The following SLC35F4 variants were observed in gnomAD, a reference collection of about 807,000 sequenced individuals.
The protein encoded by SLC35F4 is chromosome 14 open reading frame 36.
A neutral mutation model predicts 44.2 loss-of-function variants in SLC35F4; 24 were observed. That is an observed-to-expected ratio of 0.54 (90% CI 0.39 to 0.76). The LOEUF (loss-of-function observed/expected upper bound fraction) is 0.76, where lower values mean the gene tolerates loss of function less well. Among genes scored for constraint, SLC35F4 ranks in the 30% least tolerant of loss-of-function variants. The probability of loss-of-function intolerance (pLI) is 0.00; values close to 1 mark genes in which losing one functional copy is unlikely to be tolerated. For synonymous variants in SLC35F4, 238 were observed against 223.6 expected (o/e 1.06, Z -0.57); for missense variants, 562 against 586.1 (o/e 0.96, Z 0.42).
chr14:57,620,269 A>T (rs1267713525), intron 1 of SLC35F4, among the ~76,000 whole-genome samples: 11 of 152,156 alleles, frequency 7.2e-5, no homozygotes, highest in Admixed American at 7.2e-4. Flanking sequence ...TGAAGGAAAA[A>T]ATGTTAAGGG....
chr14:57,962,959 C>T (rs1890365246), intron 1 of SLC35F4, among the ~76,000 whole-genome samples: 1 of 151,280 alleles, frequency 6.6e-6, no homozygotes, highest in African/African-American at 2.4e-5. Context: ...TTTTTCTCCA[C>T]TAAATAGGGG....
intron 1 of SLC35F4, among the ~76,000 whole-genome samples, chr14:57,688,080 G>A (rs1335528843): frequency 1.3e-5 from 2 of 152,070 alleles, no homozygotes; most frequent in Non-Finnish European, 2.9e-5. Context: ...TAAAGAGCCT[G>A]AATTAATTAG....
Position 57,930,020 on chromosome 14 carries a change from T to C in SLC35F4, n.282+51893A>G, listed in dbSNP as rs904887509. On this transcript the variant is annotated intron_variant and non_coding_transcript_variant, in intron 1 of 1. Coordinates refer to the SLC35F4 transcript ENST00000556568. ...TGTTTCATAAAGGGATAGGGGAAGA[T>C]TGGCCATATTTTTCACCTCTAAAAA... Among the ~76,000 whole-genome samples the C allele has an allele frequency of 2.6e-5, 4 of 152,170 alleles. No individual in the cohort carries two copies. In the East Asian group the frequency reaches 7.7e-4, roughly 29 times the overall value.
chr14:57,925,292 T>C (rs1889534912), intron 1 of SLC35F4, among the ~76,000 whole-genome samples: 1 of 152,074 alleles, frequency 6.6e-6, no homozygotes, highest in African/African-American at 2.4e-5. Context: ...AATACAGACT[T>C]CAGGTTGGTT....
Position 57,777,179 on chromosome 14 carries a change from C to T in SLC35F4, c.103+88544G>A, listed in dbSNP as rs111947194. Among the ~76,000 whole-genome samples, 404 of 152,238 alleles carry T rather than the reference C, an allele frequency of 2.7e-3. 1 individual carries two copies. The highest frequency in any genetic ancestry group is 8.3e-3 in the African/African-American group (344 of 41,528). On this transcript the variant is annotated intron_variant, in intron 1 of 7. Transcript: ENST00000556826. ...TAGGAACACTTTTACACTGTTGGTGCGAGTGTAAACTAGTTCAACCATTGT... is the reference window on the plus strand; with the variant it reads ...TAGGAACACTTTTACACTGTTGGTGTGAGTGTAAACTAGTTCAACCATTGT...
At chr14:57,826,287 T>G (rs10140779) in intron 1 of SLC35F4, among the ~76,000 whole-genome samples, 27,361 of 152,188 alleles carry the variant, frequency 0.18, 3,487 homozygotes, top group African/African-American at 0.36. Context: ...TAATAAATGA[T>G]GCTGGAAGAG....
intron 1 of SLC35F4, among the ~76,000 whole-genome samples, chr14:57,749,952 T>G (rs2076843663): frequency 1.3e-5 from 2 of 151,988 alleles, no homozygotes; most frequent in South Asian, 4.1e-4. Context: ...TTGTTACTTG[T>G]GTAGTGATCA....
chr14:57,633,147 G>A (rs552706189), intron 1 of SLC35F4, among the ~76,000 whole-genome samples: 19 of 152,188 alleles, frequency 1.2e-4, no homozygotes, highest in South Asian at 4.1e-4. Flanking sequence ...AGGATATCTC[G>A]ATTGCATCTA....
chr14:57,581,844 C>T (rs916393812), intron 3 of SLC35F4, among the ~76,000 whole-genome samples: 6 of 152,186 alleles, frequency 3.9e-5, no homozygotes, highest in East Asian at 1.9e-4. Context: ...TCCTAGAACC[C>T]GGAGGGAAAG....
intron 1 of SLC35F4, among the ~76,000 whole-genome samples, chr14:57,620,144 C>A (rs1745709): frequency 9.2e-5 from 14 of 151,914 alleles, no homozygotes; most frequent in Admixed American, 5.2e-4. Flanking sequence ...GAGAACTTCC[C>A]CAACCTAGCA....
rs1165764778 is a variant in SLC35F4 at position 57,716,010 on chromosome 14, T to G, written c.104-121886A>C. ...TGTACTTTTAAAAGAGGAAGAGTGG[T>G]GATCAGACAGCAGTCAGAAGTAGTT... On this transcript the variant is annotated intron_variant, in intron 1 of 7. Coordinates refer to ENST00000556826, the MANE Select transcript of SLC35F4 (RefSeq NM_001306087.2). 2.0e-5 allele frequency among the ~76,000 whole-genome samples: 3 copies of G among 152,058 alleles called. No homozygotes were observed. The East Asian group carries it at 5.8e-4, about 29-fold the overall frequency.
chr14:57,762,218 C>T (rs2077140255), intron 1 of SLC35F4, among the ~76,000 whole-genome samples: 1 of 152,116 alleles, frequency 6.6e-6, no homozygotes, highest in African/African-American at 2.4e-5. Flanking sequence ...CCAAACTCTC[C>T]CAGTGATAGA....
At chr14:57,947,781 T>TAAAAAA (rs1890062948) in intron 1 of SLC35F4, among the ~76,000 whole-genome samples, 1 of 152,350 alleles carries the variant, frequency 6.6e-6, no homozygotes, top group Non-Finnish European at 1.5e-5. Context: ...TCTATTGAGA[T>TAAAAAA]GATCATATGA....
At chr14:57,689,042 T>A (rs1211672176) in intron 1 of SLC35F4, among the ~76,000 whole-genome samples, 1 of 152,160 alleles carries the variant, frequency 6.6e-6, no homozygotes, top group Non-Finnish European at 1.5e-5. Context: ...TATAAAGATA[T>A]TAAATAAAAA....
chr14:57,671,856 ACT>A (rs760793229), intron 1 of SLC35F4, among the ~76,000 whole-genome samples: 67 of 152,136 alleles, frequency 4.4e-4, no homozygotes, highest in Non-Finnish European at 7.8e-4. Context: ...TATAGTTGAC[ACT>A]CTATTAATTC....
chr14:57,763,568 T>C (rs1422203878), intron 1 of SLC35F4, among the ~76,000 whole-genome samples: 1 of 152,184 alleles, frequency 6.6e-6, no homozygotes, highest in Admixed American at 6.6e-5. Flanking sequence ...TTAAGCTGTT[T>C]TGAGGATTAA....
intron 1 of SLC35F4, among the ~76,000 whole-genome samples, chr14:57,920,206 T>G (rs17733086): frequency 0.037 from 5,626 of 152,338 alleles, 146 homozygotes; most frequent in Middle Eastern, 0.071. Context: ...GTGGGTTTAC[T>G]CTGCGTTGCC....
chr14:57,649,253 G>T (rs568622408), intron 1 of SLC35F4, among the ~76,000 whole-genome samples: 1 of 152,224 alleles, frequency 6.6e-6, no homozygotes, highest in Middle Eastern at 3.4e-3. Flanking sequence ...AAACATAATG[G>T]CTTAAAACAA....
chr14:57,618,275 T>C (rs1010078595), intron 1 of SLC35F4, among the ~76,000 whole-genome samples: 1 of 152,210 alleles, frequency 6.6e-6, no homozygotes, highest in Non-Finnish European at 1.5e-5. Context: ...AGCACTGGTA[T>C]GCAGCTCCCA....
Sources: allele counts gnomAD v4.1 joint callset (sites outside exome capture counted in the v4.1 genomes callset), GRCh38; gene constraint gnomAD v4.1.1; transcripts MANE v1.5; gene names NCBI Gene and HGNC (gene_info 2026-07-23, HGNC 2026-07-21).